The following PACRGL variants were observed in gnomAD, a reference collection of about 807,000 sequenced individuals.
PACRGL encodes the protein PACRG-like protein.
In PACRGL, 38 loss-of-function variants were observed where a neutral mutation model predicts 34.5. The observed-to-expected ratio is 1.10, with a 90% CI of 0.85 to 1.44. The LOEUF is 1.44. PACRGL is among the 40% of genes most tolerant of loss of function. The pLI is 0.00. For missense variants in PACRGL, 305 were observed against 281.4 expected (o/e 1.08, Z -0.60); for synonymous variants, 128 against 100.1 (o/e 1.28, Z -1.66).
At chr4:20,698,484 C>A (rs867906613), upstream of PACRGL, among the ~76,000 whole-genome samples, 1 of 152,152 alleles carries the variant, frequency 6.6e-6, no homozygotes, top group South Asian at 2.1e-4. Flanking sequence ...TAGCTATGCC[C>A]AGTTCTCTTT....
downstream of PACRGL, among the ~76,000 whole-genome samples, chr4:20,736,743 A>G (rs1749723128): frequency 6.6e-6 from 1 of 152,240 alleles, no homozygotes; most frequent in African/African-American, 2.4e-5. Flanking sequence ...CTTCCACTTA[A>G]GCAAATTTAT....
chr4:20,761,479 C>A, the PACRGL span, among the ~76,000 whole-genome samples: 1 of 152,174 alleles, frequency 6.6e-6, no homozygotes, highest in South Asian at 2.1e-4. Flanking sequence ...GTTAGACCCT[C>A]TCACACATGG....
chr4:20,746,893 G>A (rs1752532205), intron 8 of PACRGL, among the ~76,000 whole-genome samples: 1 of 152,068 alleles, frequency 6.6e-6, no homozygotes, highest in Non-Finnish European at 1.5e-5. Flanking sequence ...CTCTCAGTAT[G>A]CTATTGCTAT....
chr4:20,724,959 A>G lies in PACRGL; in HGVS notation c.690+71A>G, dbSNP rs542299499. ...TGTATTACTAAATTGACATATATAT[A>G]TATTTAACATATACTATCTCATTTC... On this transcript the variant is annotated intron_variant, in intron 8 of 8. Transcript: ENST00000503585. 32 of 789,814 alleles carry G rather than the reference A, an allele frequency of 4.1e-5. No homozygotes were observed. In the South Asian group the frequency reaches 6.6e-4, roughly 16 times the overall value. 48.9% of individuals were successfully genotyped at this position (789,814 alleles called of 1,614,324 possible).
chr4:20,707,507 T>G (rs1735056033), intron 3 of PACRGL, among the ~76,000 whole-genome samples: 1 of 152,234 alleles, frequency 6.6e-6, no homozygotes, highest in South Asian at 2.1e-4. Context: ...TTAACACCCC[T>G]TCTCCATAGA....
At chr4:20,712,100 G>T (rs1190931573) in intron 5 of PACRGL, among the ~76,000 whole-genome samples, 1 of 151,796 alleles carries the variant, frequency 6.6e-6, no homozygotes, top group Non-Finnish European at 1.5e-5. Flanking sequence ...TATTATCCTA[G>T]CGAGTTTCCC....
chr4:20,708,562 A>G (rs1255585179), intron 4 of PACRGL, among the ~76,000 whole-genome samples: 1 of 152,172 alleles, frequency 6.6e-6, no homozygotes, highest in African/African-American at 2.4e-5. Flanking sequence ...TCATATTTAC[A>G]TTCTGAATTG....
intron 7 of PACRGL, among the ~76,000 whole-genome samples, chr4:20,715,321 C>G (rs1237392721): frequency 1.3e-5 from 2 of 151,696 alleles, no homozygotes; most frequent in East Asian, 1.9e-4. Flanking sequence ...ATACCTAATG[C>G]TAAATGACGA....
the PACRGL span, among the ~76,000 whole-genome samples, chr4:20,760,797 G>T: frequency 6.6e-6 from 1 of 152,000 alleles, no homozygotes; most frequent in Non-Finnish European, 1.5e-5. Flanking sequence ...ATGACCTCAA[G>T]GACCTAAGAG....
chr4:20,720,295 T>A (rs998262370), intron 7 of PACRGL, among the ~76,000 whole-genome samples: 71 of 152,250 alleles, frequency 4.7e-4, no homozygotes, highest in African/African-American at 1.7e-3. Context: ...TCTGCCAGTC[T>A]GTGTCTTTTA....
At chr4:20,719,495 C>T (rs1412154016) in intron 7 of PACRGL, among the ~76,000 whole-genome samples, 2 of 152,174 alleles carry the variant, frequency 1.3e-5, no homozygotes, top group Non-Finnish European at 2.9e-5. Context: ...CTACACACTG[C>T]TTTAAATATG....
chr4:20,713,731 T>C (rs2149107200), intron 7 of PACRGL, among the ~76,000 whole-genome samples, 192 bp downstream of exon 7: 1 of 152,234 alleles, frequency 6.6e-6, no homozygotes, highest in East Asian at 1.9e-4. Flanking sequence ...AACATCTTTA[T>C]TTCTGCCTTC....
rs1748561855 is a variant in PACRGL, at chr4:20,732,507, A to T, written c.*5166A>T. Among the ~76,000 whole-genome samples, 2 of 152,236 alleles carry T rather than the reference A, an allele frequency of 1.3e-5. No individual in the cohort carries two copies. Among genetic ancestry groups the T allele is most frequent in the Admixed American group, 6.5e-5 (1 of 15,286 alleles). ...TAGTGAATGTTCAATAAATGCAGTT[A>T]TCAGCATTGTAAATTCAAAACCAAA... On this transcript the variant is annotated 3_prime_UTR_variant, in exon 9 of 9. Transcript: ENST00000503585.
At chr4:20,718,366 T>C (rs1193025554) in intron 7 of PACRGL, among the ~76,000 whole-genome samples, 1 of 152,194 alleles carries the variant, frequency 6.6e-6, no homozygotes, top group Non-Finnish European at 1.5e-5. Context: ...TCCAACACTA[T>C]GTTGAATAGG....
At chr4:20,721,846 C>A (rs112651049) in intron 7 of PACRGL, among the ~76,000 whole-genome samples, 7 of 152,146 alleles carry the variant, frequency 4.6e-5, no homozygotes, top group African/African-American at 1.4e-4. Context: ...CTACTCTCTT[C>A]AAAGCTGTCA....
At chr4:20,711,086 C>T (rs1441910265) in intron 5 of PACRGL, among the ~76,000 whole-genome samples, 2 of 151,122 alleles carry the variant, frequency 1.3e-5, no homozygotes, top group African/African-American at 2.4e-5. Context: ...CTATCTCAAA[C>T]ACACACACAC....
At chr4:20,711,728 C>G (rs1234949562) in intron 5 of PACRGL, among the ~76,000 whole-genome samples, 1 of 151,886 alleles carries the variant, frequency 6.6e-6, no homozygotes, top group Non-Finnish European at 1.5e-5. Context: ...GCCCTTTTGA[C>G]TCACTATGAT....
intron 7 of PACRGL, 26 bp downstream of exon 7, chr4:20,713,565 G>A (rs1208268925): frequency 2.6e-6 from 4 of 1,540,418 alleles, no homozygotes; most frequent in Admixed American, 3.3e-5. Flanking sequence ...ATTAGATAAT[G>A]ATTGACTGTA....
the PACRGL span, among the ~76,000 whole-genome samples, chr4:20,762,982 C>T: frequency 1.3e-5 from 2 of 152,066 alleles, no homozygotes; most frequent in African/African-American, 4.8e-5. Flanking sequence ...GAGTGAAAGG[C>T]AGGAGCCCCT....
Sources: gnomAD v4.1 joint callset for allele counts (sites outside exome capture counted in the v4.1 genomes callset) on GRCh38, gnomAD v4.1.1 for gene constraint, MANE v1.5 for transcripts, NCBI Gene and HGNC (gene_info 2026-07-23, HGNC 2026-07-21) for gene names.